Variants in SOS2 observed in about 807,000 individuals in gnomAD.
The protein encoded by SOS2 is son of sevenless homolog 2.
In SOS2, 65 loss-of-function variants were observed where a neutral mutation model predicts 148.2. The ratio of observed to expected loss-of-function variants is 0.44; its 90% confidence interval spans 0.36 to 0.54. The LOEUF is 0.54. Among genes scored for constraint, SOS2 ranks in the 20% least tolerant of loss-of-function variants. The pLI is 0.00. For missense variants in SOS2, 1,341 were observed against 1,590.2 expected (o/e 0.84, Z 2.67); for synonymous variants, 539 against 537.1 (o/e 1.00, Z -0.05).
intron 5 of SOS2, among the ~76,000 whole-genome samples, chr14:50,184,659 T>C (rs539678625): frequency 6.6e-6 from 1 of 151,592 alleles, no homozygotes; most frequent in South Asian, 2.1e-4. Context: ...TCTAAAAAAT[T>C]GGGGAAAGAG....
chr14:50,126,407 G>T (rs1883682279), intron 21 of SOS2, among the ~76,000 whole-genome samples: 1 of 151,900 alleles, frequency 6.6e-6, no homozygotes, highest in Non-Finnish European at 1.5e-5. Context: ...CCCAGCCACT[G>T]GATATGCAAC....
intron 1 of SOS2, among the ~76,000 whole-genome samples, chr14:50,225,537 T>C (rs1413165063): frequency 6.6e-6 from 1 of 152,226 alleles, no homozygotes; most frequent in African/African-American, 2.4e-5. Flanking sequence ...TACTTAATCA[T>C]TGCTGACAGG....
Position 50,156,989 on chromosome 14 carries a change from C to G in SOS2, c.2057+10G>C. On this transcript the variant is annotated intron_variant, in intron 12 of 22. Coordinates refer to ENST00000216373, the MANE Select transcript of SOS2 (RefSeq NM_006939.4). ...TATATATATATATATAAAAAATATTCAAGCCAAACCTAAGTTGTACTGGTT... is the reference window on the plus strand; with the variant it reads ...TATATATATATATATAAAAAATATTGAAGCCAAACCTAAGTTGTACTGGTT... The G allele has an allele frequency of 6.6e-7, 1 of 1,523,156 alleles. No homozygotes were observed. The highest frequency in any genetic ancestry group is 1.2e-5 in the South Asian group (1 of 82,100). 94.4% of individuals were successfully genotyped at this position (1,523,156 alleles called of 1,614,324 possible). A position where few individuals can be genotyped will look rare whatever the true frequency, so the allele number is the denominator to read the frequency against.
chr14:50,215,124 C>T (rs1887008600), intron 1 of SOS2, among the ~76,000 whole-genome samples: 1 of 152,038 alleles, frequency 6.6e-6, no homozygotes, highest in Admixed American at 6.6e-5. Context: ...GCGTGAGCCA[C>T]CGCGCCCGGC....
rs1255716744 is a variant in SOS2 at position 50,150,130 on chromosome 14, A to G, written c.2262T>C (p.Ser754=). The G allele has an allele frequency of 6.2e-7, 1 of 1,613,106 alleles. No homozygotes were observed. The highest frequency in any genetic ancestry group is 1.3e-5 in the African/African-American group (1 of 74,920). Residue 754 remains serine (S), a synonymous_variant, in exon 14 of 23, where the codon AGT becomes AGC. Coordinates refer to ENST00000216373, the MANE Select transcript of SOS2 (RefSeq NM_006939.4). ...NGVSHNITFE[S]PPPPIEWHIS... ...TATGCCATTCAATTGGTGGAGGTGGACTTTCAAAGGTAATATTATGGCTTA... is the reference window on the plus strand; with the variant it reads ...TATGCCATTCAATTGGTGGAGGTGGGCTTTCAAAGGTAATATTATGGCTTA...
chr14:50,171,716 G>C (rs939464804), intron 8 of SOS2, among the ~76,000 whole-genome samples: 2 of 149,070 alleles, frequency 1.3e-5, no homozygotes, highest in African/African-American at 4.9e-5. Flanking sequence ...AAAATTCAAC[G>C]GTCTATCAAC....
In SOS2 at chr14:50,159,934, C is replaced by G. The variant is rs1334901413; in HGVS notation, c.1349G>C (p.Arg450Thr). ...ATGCCGTTCATGTTTGGCACCGATT[C>G]TTGTCAATGGTCCCTCCATAATGAA... is the stretch of plus-strand genomic sequence containing the variant. ...NEFIMEGPLT[R>T]IGAKHERHIF... is the part of the protein sequence containing the mutation. The change falls in exon 10 of 23, where the codon AGA (arginine) becomes ACA (threonine). Residue 450 changes from arginine (R) to threonine (T), a missense_variant. Physicochemically the swap from Arg to Thr is moderately conservative, Grantham distance 71. Around this residue, in one of 4 missense-constraint regions of SOS2, gnomAD observed 574 missense variants for 711.1 expected, o/e 0.81. Coordinates refer to ENST00000216373, the MANE Select transcript of SOS2 (RefSeq NM_006939.4). 6.2e-7 allele frequency: 1 copy of G among 1,614,176 alleles called. No individual in the cohort carries two copies. The highest frequency in any genetic ancestry group is 8.5e-7 in the Non-Finnish European group (1 of 1,180,026).
Position 50,153,302 on chromosome 14 carries a change from T to C in SOS2, c.2058-129A>G, listed in dbSNP as rs1884718865. ...TAATACTCAAAGACTCTCTAATCTG[T>C]ATTTAATTAATACTTTAAATGCTTC... On this transcript the variant is annotated intron_variant, in intron 12 of 22. Transcript: ENST00000216373. 30 of 504,684 alleles carry C rather than the reference T, an allele frequency of 5.9e-5. No homozygotes were observed. The South Asian group carries it at 1.1e-3, about 19-fold the overall frequency. The allele number at this position is 504,684 out of a possible 1,614,324, so 31.3% of individuals were successfully genotyped here.
At chr14:50,153,288 G>C (rs893299924) in intron 12 of SOS2, 115 bp from the exon 13 acceptor site, 1 of 594,768 alleles carries the variant, frequency 1.7e-6, no homozygotes, top group African/African-American at 1.8e-5. Flanking sequence ...AATACTCAAA[G>C]ACTCTCTAAT....
At chr14:50,126,368 A>G (rs1263817900) in intron 21 of SOS2, among the ~76,000 whole-genome samples, 1 of 152,206 alleles carries the variant, frequency 6.6e-6, no homozygotes, top group Non-Finnish European at 1.5e-5. Flanking sequence ...TCCATTGACT[A>G]AAGTCTCCCC....
chr14:50,135,159 TA>T (rs1377109545), intron 18 of SOS2, among the ~76,000 whole-genome samples: 1 of 150,306 alleles, frequency 6.7e-6, no homozygotes, highest in Non-Finnish European at 1.5e-5. Flanking sequence ...ACTTCTAGTA[TA>T]AAAAATGTTT....
intron 1 of SOS2, among the ~76,000 whole-genome samples, chr14:50,209,130 T>C (rs1220617154): frequency 6.6e-6 from 1 of 152,206 alleles, no homozygotes. Context: ...CAGACTGGAA[T>C]TTATATCATC....
At chr14:50,187,866 CAA>C (rs1426062441) in intron 5 of SOS2, among the ~76,000 whole-genome samples, 1 of 152,072 alleles carries the variant, frequency 6.6e-6, no homozygotes, top group East Asian at 1.9e-4. Context: ...AGGTACTTAC[CAA>C]AAGACAGAAA....
intron 4 of SOS2, among the ~76,000 whole-genome samples, chr14:50,191,408 G>A (rs1406842458): frequency 6.6e-6 from 1 of 152,092 alleles, no homozygotes; most frequent in East Asian, 1.9e-4. Context: ...ATTCGAAGCT[G>A]CAGTGAGCTA....
At chr14:50,125,938 T>A (rs1288277115) in intron 21 of SOS2, among the ~76,000 whole-genome samples, 1 of 152,258 alleles carries the variant, frequency 6.6e-6, no homozygotes, top group Non-Finnish European at 1.5e-5. Flanking sequence ...CAAAGATCCT[T>A]CTTTAGAGAA....
intron 1 of SOS2, among the ~76,000 whole-genome samples, chr14:50,217,825 G>T (rs576606189): frequency 6.6e-6 from 1 of 152,068 alleles, no homozygotes; most frequent in East Asian, 1.9e-4. Flanking sequence ...GCGTGGTGGC[G>T]GGCGCCTGTA....
At chr14:50,144,848 C>T (rs1052619491) in intron 16 of SOS2, among the ~76,000 whole-genome samples, 1 of 152,104 alleles carries the variant, frequency 6.6e-6, no homozygotes, top group Non-Finnish European at 1.5e-5. Flanking sequence ...TCATTTGAGA[C>T]TATCAATCAA....
At chr14:50,224,364 C>CACACACATAT (rs1339727223) in intron 1 of SOS2, among the ~76,000 whole-genome samples, 1 of 109,318 alleles carries the variant, frequency 9.1e-6, no homozygotes, top group African/African-American at 3.6e-5. Flanking sequence ...CACACACACA[C>CACACACATAT]ATATATATAA....
intron 12 of SOS2, chr14:50,156,251 G>A (rs1884814179): frequency 2.3e-5 from 3 of 130,832 alleles, no homozygotes; most frequent in African/African-American, 9.1e-5. Flanking sequence ...AATGCTTAGT[G>A]GTACGTACAC....
Sources: gnomAD v4.1 joint callset for allele counts (sites outside exome capture counted in the v4.1 genomes callset) on GRCh38, gnomAD v4.1.1 for gene constraint, gnomAD v4.1.1 regional missense constraint, MANE v1.5 for transcripts, NCBI Gene and HGNC (gene_info 2026-07-23, HGNC 2026-07-21) for gene names.